The following PPP2R1B variants were observed in gnomAD, a reference collection of about 807,000 sequenced individuals.
The protein encoded by PPP2R1B is serine/threonine-protein phosphatase 2A 65 kDa regulatory subunit A beta isoform.
A neutral mutation model predicts 72.7 loss-of-function variants in PPP2R1B; 58 were observed. The ratio of observed to expected loss-of-function variants is 0.80; its 90% CI spans 0.65 to 0.99. The LOEUF is 0.99. PPP2R1B is among the 50% of genes least tolerant of loss of function. The pLI, the probability that PPP2R1B is intolerant of heterozygous loss-of-function variation, is 0.00. For missense variants in PPP2R1B, 695 were observed against 733.6 expected (o/e 0.95, Z 0.61); for synonymous variants, 256 against 264.6 (o/e 0.97, Z 0.32).
intron 8 of PPP2R1B, among the ~76,000 whole-genome samples, 180 bp from the exon 9 acceptor site, chr11:111,753,757 A>G (rs1470709780): frequency 6.6e-6 from 1 of 151,902 alleles, no homozygotes; most frequent in Non-Finnish European, 1.5e-5. Context: ...AGCTGGGTCT[A>G]CAGACATGCA....
downstream of PPP2R1B, among the ~76,000 whole-genome samples, chr11:111,734,132 G>A (rs905509637): frequency 2.0e-5 from 3 of 152,280 alleles, no homozygotes; most frequent in South Asian, 4.2e-4. Flanking sequence ...TGGCACTCCT[G>A]GAAGACCCCC....
chr11:111,707,496 A>G, the PPP2R1B span, among the ~76,000 whole-genome samples: 1 of 152,226 alleles, frequency 6.6e-6, no homozygotes, highest in Non-Finnish European at 1.5e-5. Flanking sequence ...GAACCTGCTT[A>G]GTGTAACTGA....
chr11:111,756,104 G>A (rs1555049606), intron 5 of PPP2R1B, among the ~76,000 whole-genome samples: 3 of 151,980 alleles, frequency 2.0e-5, no homozygotes, highest in Non-Finnish European at 2.9e-5. Flanking sequence ...CAGCTACTCG[G>A]GAGGCTGAGG....
At chr11:111,725,488 C>T (rs1477908913), downstream of PPP2R1B, 1 of 152,510 alleles carries the variant, frequency 6.6e-6, no homozygotes, top group Non-Finnish European at 1.5e-5. Flanking sequence ...CTAACTGTAT[C>T]CCTAGAAATG....
the PPP2R1B span, among the ~76,000 whole-genome samples, chr11:111,709,202 C>T: frequency 6.6e-6 from 1 of 152,184 alleles, no homozygotes; most frequent in African/African-American, 2.4e-5. Context: ...TTTTCACTGG[C>T]TTTTTTCTCT....
downstream of PPP2R1B, chr11:111,737,709 G>C (rs112196951): frequency 6.0e-4 from 863 of 1,445,724 alleles, 7 homozygotes; most frequent in African/African-American, 0.011. Context: ...AGTATATGGG[G>C]CACTGGGCAG....
chr11:111,694,462 G>A, the PPP2R1B span, among the ~76,000 whole-genome samples: 1 of 152,020 alleles, frequency 6.6e-6, no homozygotes, highest in Non-Finnish European at 1.5e-5. Context: ...TGAGGCAGTG[G>A]CCCATCATTG....
At position 111,738,757 on chromosome 11, in the gene PPP2R1B, CAGAG is replaced by C. The variant is rs1052873737; in HGVS notation, c.*2835_*2838del. 12 of 985,270 alleles carry C rather than the reference CAGAG, an allele frequency of 1.2e-5. No homozygotes were observed. The Admixed American group carries it at 2.5e-4, about 20-fold the overall frequency. 61.0% of individuals were successfully genotyped at this position (985,270 alleles called of 1,614,324 possible). A position where few individuals can be genotyped will look rare whatever the true frequency, so the allele number is the denominator to read the frequency against. On this transcript the variant is annotated 3_prime_UTR_variant, in exon 15 of 15. Transcript: ENST00000527614. ...TCAGGTTCACATCTTCTTGGTAGCACAGAGAGAGAAACAAGACCTGGTCTCTTAA... is the reference window on the plus strand; with the variant it reads ...TCAGGTTCACATCTTCTTGGTAGCACAGAGAAACAAGACCTGGTCTCTTAA...
the PPP2R1B span, among the ~76,000 whole-genome samples, chr11:111,698,616 C>T: frequency 6.6e-6 from 1 of 152,166 alleles, no homozygotes; most frequent in African/African-American, 2.4e-5. Context: ...GTGGAGCACA[C>T]CTGTGCTACT....
At chr11:111,713,897 G>A in the PPP2R1B span, among the ~76,000 whole-genome samples, 11 of 152,308 alleles carry the variant, frequency 7.2e-5, no homozygotes, top group East Asian at 3.9e-4. Flanking sequence ...AACCCAGGAA[G>A]TGGAGGTTGC....
intron 15 of PPP2R1B, chr11:111,728,910 C>G (rs1183352128): frequency 2.1e-5 from 3 of 141,860 alleles, no homozygotes; most frequent in Non-Finnish European, 3.0e-5. Context: ...GGCGACAGAG[C>G]AAGACTCCAC....
chr11:111,742,187 C>T, intron 13 of PPP2R1B, 43 bp from the exon 14 acceptor site: 1 of 1,445,376 alleles, frequency 6.9e-7, no homozygotes, highest in African/African-American at 1.4e-5. Context: ...GTCTAATGGG[C>T]CATAGAAATC....
chr11:111,737,651 A>C (rs1944378118), downstream of PPP2R1B: 2 of 1,593,212 alleles, frequency 1.3e-6, no homozygotes, highest in African/African-American at 1.3e-5. Flanking sequence ...CCCAGCCAGG[A>C]TGCCCTCAGT....
At chr11:111,702,411 C>G in the PPP2R1B span, among the ~76,000 whole-genome samples, 1 of 152,098 alleles carries the variant, frequency 6.6e-6, no homozygotes, top group Non-Finnish European at 1.5e-5. Flanking sequence ...ATTGCAAGAC[C>G]CTGTCTCTAC....
In PPP2R1B at chr11:111,731,893, T is replaced by G. The variant is rs531181655; in HGVS notation, c.1912-4836A>C. The stretch of plus-strand genomic sequence containing the variant: ...TTCCCTTTCCCACCAGATTTCTCCA[T>G]CATTCTTATTCTGTGTTGCCAAAAA... On this transcript the variant is annotated intron_variant, in intron 15 of 15. Transcript: ENST00000311129. Among the ~76,000 whole-genome samples the G allele has an allele frequency of 6.6e-5, 10 of 152,240 alleles. 1 individual carries two copies. In the South Asian group the frequency reaches 2.1e-3, roughly 32 times the overall value.
chr11:111,706,395 T>C, the PPP2R1B span, among the ~76,000 whole-genome samples: 2 of 152,068 alleles, frequency 1.3e-5, no homozygotes, highest in South Asian at 4.1e-4. Flanking sequence ...AGGCTGAGGC[T>C]AGAAATTTGG....
At chr11:111,706,068 G>C in the PPP2R1B span, among the ~76,000 whole-genome samples, 1 of 152,230 alleles carries the variant, frequency 6.6e-6, no homozygotes, top group South Asian at 2.1e-4. Context: ...GCCACTTCCT[G>C]CTATGTGACA....
downstream of PPP2R1B, among the ~76,000 whole-genome samples, chr11:111,736,677 A>C (rs546095974): frequency 6.6e-6 from 1 of 152,320 alleles, no homozygotes; most frequent in Admixed American, 6.5e-5. Flanking sequence ...AAAAGGCAAA[A>C]AACGTTTTCA....
At chr11:111,713,566 A>C in the PPP2R1B span, among the ~76,000 whole-genome samples, 1 of 152,244 alleles carries the variant, frequency 6.6e-6, no homozygotes, top group Non-Finnish European at 1.5e-5. Context: ...TTAGATAATA[A>C]AAAGATGAGT....
Sources: allele counts gnomAD v4.1 joint callset (sites outside exome capture counted in the v4.1 genomes callset), GRCh38; gene constraint gnomAD v4.1.1; transcripts MANE v1.5; gene names NCBI Gene and HGNC (gene_info 2026-07-23, HGNC 2026-07-21).